SERINC3: variants seen among roughly 807,000 people sequenced by gnomAD.
SERINC3 encodes serine incorporator 3, also known as tumor differentially expressed protein 1.
In SERINC3, 22 loss-of-function variants were observed where a neutral mutation model predicts 52.1. The ratio of observed to expected loss-of-function variants is 0.42; its 90% CI spans 0.30 to 0.60. SERINC3 has a LOEUF of 0.60. Among genes scored for constraint, SERINC3 ranks in the 20% least tolerant of loss-of-function variants. The pLI is 0.16. For missense variants in SERINC3, 564 were observed against 584.6 expected, an observed-to-expected ratio of 0.96 and a Z score of 0.36; for synonymous variants, 226 against 212.7, an observed-to-expected ratio of 1.06 and a Z score of -0.54.
chr20:44,511,470 T>TC, intron 3 of SERINC3, 102 bp from the exon 4 acceptor site: 1 of 722,530 alleles, frequency 1.4e-6, no homozygotes, highest in Non-Finnish European at 2.4e-6. Flanking sequence ...ATAGCTTTTT[T>TC]CCCAACATGA....
chr20:44,520,386 C>T (rs1478849209), intron 1 of SERINC3, among the ~76,000 whole-genome samples: 1 of 152,140 alleles, frequency 6.6e-6, no homozygotes, highest in Non-Finnish European at 1.5e-5. Context: ...TTACATATCA[C>T]TTCATCTGTA....
At chr20:44,504,132 C>G (rs2064297119) in intron 7 of SERINC3, 137 bp from the exon 8 acceptor site, 4 of 599,258 alleles carry the variant, frequency 6.7e-6, no homozygotes, top group Non-Finnish European at 5.5e-6. Flanking sequence ...TGAAACTTAG[C>G]AGTCAGTAGT....
intron 1 of SERINC3, among the ~76,000 whole-genome samples, chr20:44,520,825 T>C (rs976888328): frequency 1.3e-5 from 2 of 152,224 alleles, no homozygotes; most frequent in African/African-American, 4.8e-5. Context: ...TCCTTGAGTT[T>C]TGTGACCAAA....
intron 8 of SERINC3, 41 bp from the exon 9 acceptor site, chr20:44,501,341 A>G: frequency 6.5e-7 from 1 of 1,542,432 alleles, no homozygotes; most frequent in Non-Finnish European, 9.0e-7. Context: ...GAAAGGGGCC[A>G]TGACAATGAA....
At chr20:44,504,623 A>C (rs972476870) in intron 7 of SERINC3, among the ~76,000 whole-genome samples, 178 bp downstream of exon 7, 1 of 152,234 alleles carries the variant, frequency 6.6e-6, no homozygotes, top group African/African-American at 2.4e-5. Flanking sequence ...AGCTATCAAT[A>C]GATGTGGGGA....
In SERINC3 at chr20:44,506,851, A is replaced by T; in HGVS notation, c.759T>A (p.Ile253=). Reference sequence around the variant, plus strand: ...CCTGAATTTTTGGGTGGATCGATATAATAGAAGCCACAACGCAAAGGATCA... The same window carrying T: ...CCTGAATTTTTGGGTGGATCGATATTATAGAAGCCACAACGCAAAGGATCA... ...INLILCVVAS[I]ISIHPKIQEH... The change falls in exon 6 of 10, where the codon ATT becomes ATA. Residue 253 remains isoleucine, a synonymous_variant. Transcript: ENST00000342374. The T allele has an allele frequency of 6.3e-7, 1 of 1,591,232 alleles. No homozygotes were observed. Among genetic ancestry groups the T allele is most frequent in the Non-Finnish European group, 8.5e-7 (1 of 1,171,292 alleles).
chr20:44,506,818 C>CA lies in SERINC3; in HGVS notation c.783+8dup. 1.9e-6 allele frequency: 3 copies of CA among 1,550,290 alleles called. No individual in the cohort carries two copies. The highest frequency in any genetic ancestry group is 1.7e-6 in the Non-Finnish European group (2 of 1,149,972). ...TTTCACAGGAGAAAGAAGTAGTAAA[C>CA]AATCATACCTGAATTTTTGGGTGGA... On this transcript the variant is annotated intron_variant, in intron 6 of 9. Transcript: ENST00000342374.
chr20:44,500,556 A>G (rs1484818132), intron 9 of SERINC3, 122 bp from the exon 10 acceptor site: 1 of 1,083,250 alleles, frequency 9.2e-7, no homozygotes, highest in Non-Finnish European at 1.4e-6. Flanking sequence ...ACTACCCCCC[A>G]GTAGGGTTGA....
At position 44,501,300 on chromosome 20, in the gene SERINC3, G is replaced by A; in HGVS notation, c.1056C>T (p.Ser352=). ...FVFVLCLLYS[S]IRTSTNSQVD... is the part of the protein sequence containing the mutation. ...CTTGGCTATTAGTGGAAGTGCGGAT[G>A]CTGGAAAGTGATCCCAAGGAAGACA... The change falls in exon 9 of 10, where the codon AGC becomes AGT. Residue 352 remains serine, a splice_region_variant and synonymous_variant. Coordinates refer to ENST00000342374, the MANE Select transcript of SERINC3 (RefSeq NM_006811.4). 2 of 1,613,338 alleles carry A rather than the reference G, an allele frequency of 1.2e-6. No homozygotes were observed. Among genetic ancestry groups the A allele is most frequent in the Non-Finnish European group, 1.7e-6 (2 of 1,179,442 alleles).
chr20:44,509,649 G>A (rs971586996), intron 5 of SERINC3, among the ~76,000 whole-genome samples: 6 of 151,936 alleles, frequency 3.9e-5, no homozygotes, highest in Admixed American at 1.3e-4. Context: ...CTGCCTTAGC[G>A]TGCTGAGTAG....
intron 1 of SERINC3, among the ~76,000 whole-genome samples, chr20:44,519,698 A>C (rs368274863): frequency 2.6e-5 from 4 of 152,158 alleles, no homozygotes; most frequent in South Asian, 4.2e-4. Context: ...AGGTGGGAGG[A>C]TCACTTGAAT....
Position 44,499,842 on chromosome 20 carries a change from CAG to C in SERINC3, c.*452_*453del, listed in dbSNP as rs1372508627. 2.0e-5 allele frequency: 3 copies of C among 152,740 alleles called. No individual in the cohort carries two copies. Among genetic ancestry groups the C allele is most frequent in the African/African-American group, 7.2e-5 (3 of 41,420 alleles). The allele number at this position is 152,740 out of a possible 1,614,324, so 9.5% of individuals were successfully genotyped here. A position where few individuals can be genotyped will look rare whatever the true frequency, so the allele number is the denominator to read the frequency against. On this transcript the variant is annotated 3_prime_UTR_variant, in exon 10 of 10. Transcript: ENST00000342374. Reference sequence around the variant, plus strand: ...CGCTGAAGAGTTTAAGCACAAAACACAGTGCTTGTATCATATAAGTAAGGACT... The same window carrying C: ...CGCTGAAGAGTTTAAGCACAAAACACTGCTTGTATCATATAAGTAAGGACT...
Position 44,522,055 on chromosome 20 carries a change from G to A in SERINC3, c.-104C>T. The A allele has an allele frequency of 8.7e-6, 11 of 1,265,910 alleles. No homozygotes were observed. The highest frequency in any genetic ancestry group is 1.5e-5 in the African/African-American group (1 of 67,302). The allele number at this position is 1,265,910 out of a possible 1,614,324, so 78.4% of individuals were successfully genotyped here. A position where few individuals can be genotyped will look rare whatever the true frequency, so the allele number is the denominator to read the frequency against. On this transcript the variant is annotated 5_prime_UTR_variant, in exon 1 of 10. Coordinates refer to ENST00000342374, the MANE Select transcript of SERINC3 (RefSeq NM_006811.4). Reference sequence around the variant, plus strand: ...CAGAAACATGACGGTTTCTCAGGCCGGAAACGCAGCCTTCCACAGACGCAC... The same window carrying A: ...CAGAAACATGACGGTTTCTCAGGCCAGAAACGCAGCCTTCCACAGACGCAC...
intron 2 of SERINC3, 50 bp from the exon 3 acceptor site, chr20:44,513,044 G>A (rs371794517): frequency 3.6e-5 from 47 of 1,287,908 alleles, no homozygotes; most frequent in Non-Finnish European, 4.5e-5. Context: ...TTTAGACAGA[G>A]ACTCTAACCC....
At chr20:44,503,233 T>C (rs1656572054) in intron 8 of SERINC3, among the ~76,000 whole-genome samples, 1 of 152,198 alleles carries the variant, frequency 6.6e-6, no homozygotes, top group South Asian at 2.1e-4. Context: ...CCCAGCTACA[T>C]ATTTTTTTGC....
chr20:44,510,105 T>C (rs1322082819), intron 4 of SERINC3, 77 bp from the exon 5 acceptor site: 26 of 1,412,916 alleles, frequency 1.8e-5, no homozygotes, highest in African/African-American at 2.8e-5. Context: ...TGAACGGATT[T>C]CAATTAAAAC....
Position 44,513,948 on chromosome 20 carries a change from G to A in SERINC3, c.132C>T (p.Phe44=). ...NSTVTRLIYA[F]ILLLSTVVSY... ...ATACGACAGTGCTCAGGAGGAGAAT[G>A]AAAGCATAAATGAGGCGAGTCACCG... is the stretch of plus-strand genomic sequence containing the variant. The change falls in exon 2 of 10, where the codon TTC becomes TTT. Residue 44 remains phenylalanine (F), a synonymous_variant. Transcript: ENST00000342374. The A allele has an allele frequency of 6.2e-7, 1 of 1,614,174 alleles. No individual in the cohort carries two copies. The highest frequency in any genetic ancestry group is 1.1e-5 in the South Asian group (1 of 91,084).
At chr20:44,503,719 T>C in intron 8 of SERINC3, 96 bp downstream of exon 8, 1 of 994,274 alleles carries the variant, frequency 1.0e-6, no homozygotes, top group East Asian at 2.7e-5. Flanking sequence ...GAGTGAAGTT[T>C]TTAAATTTCT....
intron 1 of SERINC3, among the ~76,000 whole-genome samples, chr20:44,517,763 A>C (rs1478644582): frequency 6.6e-6 from 1 of 152,210 alleles, no homozygotes; most frequent in Non-Finnish European, 1.5e-5. Flanking sequence ...CTGGCAAACT[A>C]ATAAACTTAC....
Sources: gnomAD v4.1 joint callset for allele counts (sites outside exome capture counted in the v4.1 genomes callset) on GRCh38, gnomAD v4.1.1 for gene constraint, MANE v1.5 for transcripts, NCBI Gene and HGNC (gene_info 2026-07-23, HGNC 2026-07-21) for gene names.